AP4E1: variants seen among roughly 807,000 people sequenced by gnomAD.
The protein encoded by AP4E1 is AP-4 complex subunit epsilon-1.
In AP4E1, 56 loss-of-function variants were observed where a neutral mutation model predicts 128.2. The ratio of observed to expected loss-of-function variants is 0.44; its 90% CI spans 0.35 to 0.55. The LOEUF is 0.55. AP4E1 is among the 20% of genes least tolerant of loss of function. The probability of loss-of-function intolerance (pLI) is 0.00; values close to 1 mark genes in which losing one functional copy is unlikely to be tolerated. For synonymous variants in AP4E1, 484 were observed against 473.1 expected (o/e 1.02, Z -0.30); for missense variants, 1,324 against 1,307.7 (o/e 1.01, Z -0.19).
chr15:50,908,524 C>T (rs2063522538), upstream of AP4E1: 6 of 417,090 alleles, frequency 1.4e-5, no homozygotes, highest in South Asian at 2.9e-4. Context: ...GAACCGCTAC[C>T]CCGTCGCGAG....
chr15:50,927,003 A>G (rs369303978), intron 5 of AP4E1, among the ~76,000 whole-genome samples: 1 of 152,226 alleles, frequency 6.6e-6, no homozygotes. Context: ...TGTATTGTAT[A>G]TCATATCTGT....
At position 50,929,039 on chromosome 15, in the gene AP4E1, A is replaced by G. The variant is rs368895241; in HGVS notation, c.573A>G (p.Ala191=). The G allele has an allele frequency of 4.3e-6, 7 of 1,613,874 alleles. No homozygotes were observed. In the South Asian group the frequency reaches 5.5e-5, roughly 13 times the overall value. ...TTGTACGAAGAAAAGCTGTTCTGGCATTATACAAATTCCATCTCATTGCTC... is the reference window on the plus strand; with the variant it reads ...TTGTACGAAGAAAAGCTGTTCTGGCGTTATACAAATTCCATCTCATTGCTC... ...KEIVRRKAVL[A]LYKFHLIAPN... The change falls in exon 6 of 21, where the codon GCA becomes GCG. Residue 191 remains alanine (A), a synonymous_variant. Coordinates refer to ENST00000261842, the MANE Select transcript of AP4E1 (RefSeq NM_007347.5).
In AP4E1 at chr15:50,997,362, A is replaced by G; in HGVS notation, c.2383A>G (p.Arg795Gly). The G allele has an allele frequency of 5.0e-6, 8 of 1,603,528 alleles. No homozygotes were observed. Among genetic ancestry groups the G allele is most frequent in the Non-Finnish European group, 6.8e-6 (8 of 1,177,278 alleles). The change falls in exon 18 of 21, where the codon AGG becomes GGG. Residue 795 changes from arginine (R) to glycine (G), a missense_variant. Coordinates refer to ENST00000261842, the MANE Select transcript of AP4E1 (RefSeq NM_007347.5). ...AGATACTGTCTCTCACAAGTTCAGAAGGAAATCAAAAGTCAAAGAAGCTAA... is the reference window on the plus strand; with the variant it reads ...AGATACTGTCTCTCACAAGTTCAGAGGGAAATCAAAAGTCAAAGAAGCTAA... ...KADTVSHKFR[R>G]KSKVKEAKSG... is the part of the protein sequence containing the mutation.
chr15:50,931,268 A>G (rs1317621594), intron 7 of AP4E1, among the ~76,000 whole-genome samples: 1 of 152,084 alleles, frequency 6.6e-6, no homozygotes, highest in African/African-American at 2.4e-5. Flanking sequence ...GCAAAGGGCC[A>G]GATAATAAAT....
Position 50,993,629 on chromosome 15 carries a change from A to G in AP4E1, c.2346+4A>G, listed in dbSNP as rs1179336654. The G allele has an allele frequency of 6.2e-7, 1 of 1,613,788 alleles. No homozygotes were observed. The highest frequency in any genetic ancestry group is 1.3e-5 in the African/African-American group (1 of 74,934). On this transcript the variant is annotated splice_donor_region_variant and intron_variant, in intron 17 of 20. Coordinates refer to ENST00000261842, the MANE Select transcript of AP4E1 (RefSeq NM_007347.5). Reference sequence around the variant, plus strand: ...ATCAGAAAGTACAATCAACCTGGTAAGTAATCGGTTCTATTCCTGTAAGAA... The same window carrying G: ...ATCAGAAAGTACAATCAACCTGGTAGGTAATCGGTTCTATTCCTGTAAGAA...
chr15:50,999,382 C>T, intron 19 of AP4E1, 120 bp downstream of exon 19: 1 of 744,522 alleles, frequency 1.3e-6, no homozygotes, highest in South Asian at 1.8e-5. Flanking sequence ...AAACTACGCA[C>T]AGTTCCTACG....
At chr15:50,928,380 C>T (rs1261802287) in intron 5 of AP4E1, among the ~76,000 whole-genome samples, 1 of 152,054 alleles carries the variant, frequency 6.6e-6, no homozygotes, top group African/African-American at 2.4e-5. Context: ...TTCTGCCTCC[C>T]AGGTTCAAGC....
intron 10 of AP4E1, among the ~76,000 whole-genome samples, chr15:50,947,575 T>G (rs996758948): frequency 1.3e-5 from 2 of 152,216 alleles, no homozygotes; most frequent in Non-Finnish European, 2.9e-5. Context: ...TCTTCTGTTG[T>G]TTGGGAAATA....
chr15:50,926,259 C>G (rs1297195204), intron 5 of AP4E1, among the ~76,000 whole-genome samples: 2 of 151,848 alleles, frequency 1.3e-5, no homozygotes, highest in African/African-American at 2.4e-5. Flanking sequence ...GCCTCAGCCT[C>G]CTGAGTAGCT....
rs775211638 is a variant in AP4E1, at chr15:50,968,348, G to A, written c.1937G>A (p.Arg646His). 2.1e-5 allele frequency: 34 copies of A among 1,613,272 alleles called. No individual in the cohort carries two copies. The highest frequency in any genetic ancestry group is 2.5e-5 in the Non-Finnish European group (30 of 1,179,552). The change falls in exon 15 of 21, where the codon CGC becomes CAC. Residue 646 changes from arginine (R) to histidine (H), a missense_variant. By Grantham distance (29) the Arg-to-His change is conservative. Coordinates refer to ENST00000261842, the MANE Select transcript of AP4E1 (RefSeq NM_007347.5). ...GAAPYKPPHQ[R>H]QEEKLSQEKV... ...GCGCCTTACAAACCTCCCCATCAAC[G>A]CCAGGAGGAAAAGCTTTCTCAGGAA...
chr15:50,937,892 TA>T (rs1240785114), intron 8 of AP4E1, among the ~76,000 whole-genome samples: 1 of 152,192 alleles, frequency 6.6e-6, no homozygotes, highest in African/African-American at 2.4e-5. Context: ...TTTGGATTTG[TA>T]AATCCGGAGG....
intron 5 of AP4E1, among the ~76,000 whole-genome samples, chr15:50,926,527 C>T (rs918592842): frequency 1.3e-5 from 2 of 151,982 alleles, no homozygotes; most frequent in Non-Finnish European, 2.9e-5. Flanking sequence ...GTTACTCATA[C>T]AACATTTATT....
chr15:50,955,867 A>T (rs1249881443), intron 13 of AP4E1, among the ~76,000 whole-genome samples: 2 of 152,072 alleles, frequency 1.3e-5, no homozygotes, highest in African/African-American at 4.8e-5. Flanking sequence ...AGAAGTCTTG[A>T]TTCTCCACTC....
Position 50,997,607 on chromosome 15 carries a change from A to G in AP4E1, c.2628A>G (p.Ser876=). The G allele has an allele frequency of 6.2e-7, 1 of 1,614,080 alleles. No individual in the cohort carries two copies. ...CATATTGTAGTCTGTCTACACCTTC[A>G]TTGTTTGCTAATAACAACATGGAAA... ...KFSYCSLSTP[S]LFANNNMEIF... The change falls in exon 18 of 21, where the codon TCA becomes TCG. Residue 876 remains serine (S), a synonymous_variant. Transcript: ENST00000261842.
chr15:50,922,616 G>A (rs1403114081), intron 3 of AP4E1, among the ~76,000 whole-genome samples: 2 of 152,064 alleles, frequency 1.3e-5, no homozygotes, highest in African/African-American at 2.4e-5. Flanking sequence ...TGAGAAGAAC[G>A]AAAAACAATG....
At chr15:50,927,084 A>G (rs2063778239) in intron 5 of AP4E1, among the ~76,000 whole-genome samples, 1 of 152,190 alleles carries the variant, frequency 6.6e-6, no homozygotes, top group Admixed American at 6.5e-5. Context: ...TTATAAGGTG[A>G]TCTGATTATA....
chr15:50,924,945 G>T (rs910149560), intron 4 of AP4E1, among the ~76,000 whole-genome samples, 153 bp from the exon 5 acceptor site: 3 of 152,190 alleles, frequency 2.0e-5, no homozygotes, highest in African/African-American at 7.2e-5. Flanking sequence ...ACAAATAGGA[G>T]CATTGCAATA....
At chr15:50,908,680 G>T (rs1318252057), upstream of AP4E1, 2 of 1,316,424 alleles carry the variant, frequency 1.5e-6, no homozygotes, top group Non-Finnish European at 2.0e-6. Flanking sequence ...TCAAAAAACA[G>T]GAAGTGCCTA....
At chr15:50,924,115 T>C in intron 4 of AP4E1, 111 bp downstream of exon 4, 1 of 860,298 alleles carries the variant, frequency 1.2e-6, no homozygotes, top group Non-Finnish European at 1.9e-6. Context: ...GCTTGCAGAA[T>C]GGGCTTAGAA....
Sources: gnomAD v4.1 joint callset for allele counts (sites outside exome capture counted in the v4.1 genomes callset) on GRCh38, gnomAD v4.1.1 for gene constraint, MANE v1.5 for transcripts, NCBI Gene and HGNC (gene_info 2026-07-23, HGNC 2026-07-21) for gene names.